Variants in CDH18 observed in about 807,000 individuals in gnomAD.
CDH18 encodes cadherin 18.
A neutral mutation model predicts 67.9 loss-of-function variants in CDH18; 31 were observed. The observed-to-expected ratio is 0.46, with a 90% CI of 0.34 to 0.62. The LOEUF is 0.62. CDH18 is among the 20% of genes least tolerant of loss of function. The pLI is 0.01. For synonymous variants in CDH18, 362 were observed against 347.2 expected, an observed-to-expected ratio of 1.04 and a Z score of -0.48; for missense variants, 890 against 975.5, an observed-to-expected ratio of 0.91 and a Z score of 1.17.
chr5:20,549,343 A>G (rs1468280502), intron 1 of CDH18, among the ~76,000 whole-genome samples: 1 of 152,146 alleles, frequency 6.6e-6, no homozygotes, highest in East Asian at 1.9e-4. Context: ...AATAGGTAAA[A>G]TACAGTTTGC....
At chr5:20,547,515 C>A (rs1224517493) in intron 1 of CDH18, among the ~76,000 whole-genome samples, 2 of 150,520 alleles carry the variant, frequency 1.3e-5, no homozygotes, top group African/African-American at 4.9e-5. Context: ...GAGTCGAGAT[C>A]GCACCATTGC....
chr5:19,623,034 C>T (rs1374489), intron 5 of CDH18, among the ~76,000 whole-genome samples: 98,336 of 152,024 alleles, frequency 0.65, 32,327 homozygotes, highest in South Asian at 0.76. Context: ...GTGTACCTAC[C>T]ATGTCCTCTT....
intron 5 of CDH18, among the ~76,000 whole-genome samples, chr5:19,686,652 G>A (rs562182751): frequency 6.6e-5 from 10 of 152,206 alleles, no homozygotes; most frequent in Middle Eastern, 3.4e-3. Context: ...GAATTTTGTG[G>A]CAAATGTGTT....
rs1251583237 is a variant in CDH18, at chr5:19,655,004, C to A, written c.644-42403G>T. 2.6e-5 allele frequency among the ~76,000 whole-genome samples: 4 copies of A among 152,048 alleles called. No homozygotes were observed. In the East Asian group the frequency reaches 5.8e-4, roughly 22 times the overall value. On this transcript the variant is annotated intron_variant, in intron 5 of 12. Coordinates refer to ENST00000382275, the MANE Select transcript of CDH18 (RefSeq NM_004934.5). ...CTGGGGTTTGGAGTTTATATGGGTACAGGATAGGGGGGTGTGGCAGGCCCA... is the reference window on the plus strand; with the variant it reads ...CTGGGGTTTGGAGTTTATATGGGTAAAGGATAGGGGGGTGTGGCAGGCCCA...
intron 2 of CDH18, among the ~76,000 whole-genome samples, chr5:20,118,674 C>A (rs1385277029): frequency 6.6e-6 from 1 of 152,128 alleles, no homozygotes; most frequent in African/African-American, 2.4e-5. Flanking sequence ...GCTGTTTCAA[C>A]CTTCTCTGTC....
chr5:19,498,244 T>C (rs1288092600), intron 11 of CDH18, among the ~76,000 whole-genome samples: 1 of 152,162 alleles, frequency 6.6e-6, no homozygotes, highest in African/African-American at 2.4e-5. Context: ...CACTGTATCT[T>C]CCAAGGCTGA....
Position 20,153,389 on chromosome 5 carries a change from G to A in CDH18, c.-518+102055C>T, listed in dbSNP as rs764749749. On this transcript the variant is annotated intron_variant, in intron 2 of 14. Transcript: ENST00000507958. ...ATTCTCTACCTTTTCCAATATGTGG[G>A]CAAGCACATAATTCCCTACTTTCGT... Among the ~76,000 whole-genome samples the A allele has an allele frequency of 1.5e-4, 23 of 151,964 alleles. 1 individual carries two copies. The highest frequency in any genetic ancestry group is 2.8e-4 in the Non-Finnish European group (19 of 68,004).
intron 9 of CDH18, among the ~76,000 whole-genome samples, chr5:19,528,204 A>G (rs1748045738): frequency 6.6e-6 from 1 of 151,690 alleles, no homozygotes; most frequent in African/African-American, 2.4e-5. Context: ...TGTTTTTTCT[A>G]TCTTGGCCTA....
intron 1 of CDH18, among the ~76,000 whole-genome samples, chr5:20,378,812 G>T (rs952884687): frequency 6.6e-6 from 1 of 151,892 alleles, no homozygotes; most frequent in Non-Finnish European, 1.5e-5. Flanking sequence ...CAATGCTTTG[G>T]GTCTTATTTA....
chr5:20,437,157 T>A (rs1355877028), intron 1 of CDH18, among the ~76,000 whole-genome samples: 1 of 148,110 alleles, frequency 6.8e-6, no homozygotes, highest in Non-Finnish European at 1.5e-5. Flanking sequence ...GAAAAAAAAA[T>A]GATACAATGT....
intron 2 of CDH18, among the ~76,000 whole-genome samples, chr5:20,223,642 A>G (rs1453420656): frequency 6.6e-6 from 1 of 152,112 alleles, no homozygotes; most frequent in Non-Finnish European, 1.5e-5. Context: ...CTCATGTGTC[A>G]TGGGAGGAAT....
intron 2 of CDH18, among the ~76,000 whole-genome samples, chr5:20,047,506 C>T (rs1196862247): frequency 6.6e-6 from 1 of 151,732 alleles, no homozygotes; most frequent in Non-Finnish European, 1.5e-5. Flanking sequence ...CAGTTAAGTG[C>T]AACACATGTC....
At chr5:19,525,259 T>C (rs1015621839) in intron 9 of CDH18, among the ~76,000 whole-genome samples, 1 of 152,180 alleles carries the variant, frequency 6.6e-6, no homozygotes, top group Non-Finnish European at 1.5e-5. Flanking sequence ...TGTCTTTTCA[T>C]GCATTCCACA....
intron 2 of CDH18, among the ~76,000 whole-genome samples, chr5:20,118,204 C>CT (rs1289699401): frequency 6.6e-6 from 1 of 151,916 alleles, no homozygotes; most frequent in African/African-American, 2.4e-5. Flanking sequence ...AAAATGGTAA[C>CT]TTTTTTTAAA....
intron 1 of CDH18, among the ~76,000 whole-genome samples, chr5:20,392,375 T>A (rs1286518320): frequency 3.3e-5 from 5 of 151,932 alleles, no homozygotes; most frequent in Non-Finnish European, 7.4e-5. Context: ...TTTAAATGAT[T>A]ATATATGATT....
intron 1 of CDH18, among the ~76,000 whole-genome samples, chr5:20,448,145 C>T (rs149591719): frequency 1.1e-4 from 17 of 151,884 alleles, no homozygotes; most frequent in East Asian, 3.9e-4. Context: ...TGAGAACATG[C>T]GGTGTTTGGT....
At chr5:19,499,550 G>T (rs1054332846) in intron 11 of CDH18, among the ~76,000 whole-genome samples, 3 of 151,782 alleles carry the variant, frequency 2.0e-5, no homozygotes, top group African/African-American at 2.4e-5. Flanking sequence ...ATTTTGACAT[G>T]AATTTTCTAA....
chr5:20,479,458 T>C (rs959844565), intron 1 of CDH18, among the ~76,000 whole-genome samples: 2 of 152,116 alleles, frequency 1.3e-5, no homozygotes, highest in African/African-American at 4.8e-5. Flanking sequence ...ATTTTTTAAA[T>C]GAAAAACTTA....
At chr5:20,156,496 T>G (rs1195581147) in intron 2 of CDH18, among the ~76,000 whole-genome samples, 1 of 152,170 alleles carries the variant, frequency 6.6e-6, no homozygotes, top group Non-Finnish European at 1.5e-5. Context: ...ATACCGTATG[T>G]TCTCACTTAA....
Sources: gnomAD v4.1 joint callset for allele counts (sites outside exome capture counted in the v4.1 genomes callset) on GRCh38, gnomAD v4.1.1 for gene constraint, MANE v1.5 for transcripts, NCBI Gene and HGNC (gene_info 2026-07-23, HGNC 2026-07-21) for gene names.